Variants in ABCA4 observed in about 807,000 individuals in gnomAD.
ABCA4 encodes retinal-specific phospholipid-transporting ATPase ABCA4.
Under a neutral mutation model 263.7 loss-of-function variants are expected in ABCA4, and 196 were observed. That is an observed-to-expected ratio of 0.74 (90% CI 0.66 to 0.84). ABCA4 has a LOEUF of 0.84. ABCA4 is among the 40% of genes least tolerant of loss of function. The pLI, the probability that ABCA4 is intolerant of heterozygous loss-of-function variation, is 0.00. For missense variants in ABCA4, 2,792 were observed against 2,855.1 expected (o/e 0.98, Z 0.50); for synonymous variants, 1,133 against 1,094.2 (o/e 1.04, Z -0.70).
At chr1:94,032,901 T>C (rs759751999) in intron 26 of ABCA4, among the ~76,000 whole-genome samples, 4 of 152,220 alleles carry the variant, frequency 2.6e-5, no homozygotes, top group Admixed American at 6.5e-5. Flanking sequence ...GTGTATTATA[T>C]GAATTTTTAA....
chr1:94,097,663 T>C (rs1253463182), intron 6 of ABCA4, among the ~76,000 whole-genome samples: 2 of 152,338 alleles, frequency 1.3e-5, no homozygotes, highest in East Asian at 3.9e-4. Flanking sequence ...GGGCCTGGCC[T>C]GGTTCTTCTG....
At chr1:94,083,298 G>A (rs1661748281) in intron 7 of ABCA4, 54 bp downstream of exon 7, 1 of 1,367,316 alleles carries the variant, frequency 7.3e-7, no homozygotes, top group Non-Finnish European at 1.0e-6. Flanking sequence ...CATAAGTGGG[G>A]TAAATGGTGG....
In ABCA4 at chr1:94,063,231, G is replaced by A. The variant is rs1043103980; in HGVS notation, c.1641C>T (p.Phe547=). The A allele has an allele frequency of 1.1e-5, 18 of 1,614,056 alleles. No homozygotes were observed. The highest frequency in any genetic ancestry group is 1.5e-5 in the Non-Finnish European group (18 of 1,180,036). The change falls in exon 12 of 50, where the codon TTC becomes TTT. Residue 547 remains phenylalanine, a synonymous_variant. Transcript: ENST00000370225. ...TGTCAGGGAATACCACTCCGGCCCAGAACATGTTTTCCTCCAGTAGAGAGA... is the reference window on the plus strand; with the variant it reads ...TGTCAGGGAATACCACTCCGGCCCAAAACATGTTTTCCTCCAGTAGAGAGA... ...RALSLLEENM[F]WAGVVFPDMY...
rs1338623729 is a variant in ABCA4 at position 94,044,461 on chromosome 1, A to G, written c.3050+152T>C. 4 of 1,170,000 alleles carry G rather than the reference A, an allele frequency of 3.4e-6. No individual in the cohort carries two copies. The African/African-American group carries it at 6.1e-5, about 18-fold the overall frequency. 72.5% of individuals were successfully genotyped at this position (1,170,000 alleles called of 1,614,324 possible). On this transcript the variant is annotated intron_variant, in intron 20 of 49. Coordinates refer to ENST00000370225, the MANE Select transcript of ABCA4 (RefSeq NM_000350.3). ...AGGGACAATTCTCACTGCAAGTAGG[A>G]CAAAGGACTTTAAACATAGGGGAAA...
intron 11 of ABCA4, among the ~76,000 whole-genome samples, chr1:94,066,422 G>A (rs1203806305): frequency 6.6e-6 from 1 of 152,188 alleles, no homozygotes; most frequent in Non-Finnish European, 1.5e-5. Context: ...TTTAGTATTG[G>A]CAATTAGAGT....
chr1:94,054,795 ACAC>A (rs1660928661), intron 16 of ABCA4, among the ~76,000 whole-genome samples: 1 of 152,160 alleles, frequency 6.6e-6, no homozygotes, highest in South Asian at 2.1e-4. Context: ...GAGAGGGCTG[ACAC>A]CACATGACCT....
intron 17 of ABCA4, among the ~76,000 whole-genome samples, chr1:94,051,279 T>C (rs1660832747): frequency 6.6e-6 from 1 of 152,242 alleles, no homozygotes; most frequent in Admixed American, 6.5e-5. Context: ...ATGCAAAGGT[T>C]CCTTCATGAT....
intron 13 of ABCA4, among the ~76,000 whole-genome samples, chr1:94,062,224 T>C: frequency 6.6e-6 from 1 of 152,154 alleles, no homozygotes; most frequent in Non-Finnish European, 1.5e-5. Flanking sequence ...GATGTGGCAA[T>C]CATTGGGCAA....
At chr1:94,070,158 A>G (rs1570399830) in intron 11 of ABCA4, among the ~76,000 whole-genome samples, 1 of 152,226 alleles carries the variant, frequency 6.6e-6, no homozygotes, top group Non-Finnish European at 1.5e-5. Flanking sequence ...GCACTGACCA[A>G]TCAGACCACA....
Position 94,060,812 on chromosome 1 carries a change from G to T in ABCA4, c.1938-53C>A. 6 of 1,399,168 alleles carry T rather than the reference G, an allele frequency of 4.3e-6. No individual in the cohort carries two copies. In the South Asian group the frequency reaches 4.9e-5, roughly 11 times the overall value. The allele number at this position is 1,399,168 out of a possible 1,614,324, so 86.7% of individuals were successfully genotyped here. ...GTAGAGTGCTCTGTACCTGGTAGAG[G>T]CAGAATAAATGTTTGTTGAATGAAT... On this transcript the variant is annotated intron_variant, in intron 13 of 49. Coordinates refer to ENST00000370225, the MANE Select transcript of ABCA4 (RefSeq NM_000350.3).
chr1:94,081,292 C>T (rs1661695634), intron 7 of ABCA4, among the ~76,000 whole-genome samples: 1 of 152,122 alleles, frequency 6.6e-6, no homozygotes, highest in Admixed American at 6.5e-5. Flanking sequence ...AGCCTCTCTT[C>T]TTCTAGTCTC....
intron 11 of ABCA4, among the ~76,000 whole-genome samples, chr1:94,065,449 G>A (rs373927365): frequency 2.0e-5 from 3 of 152,162 alleles, no homozygotes; most frequent in African/African-American, 7.2e-5. Context: ...CACTGCACTG[G>A]GAAGAAGTAG....
chr1:93,999,759 A>G (rs1450101458), intron 47 of ABCA4, among the ~76,000 whole-genome samples: 2 of 152,144 alleles, frequency 1.3e-5, no homozygotes, highest in African/African-American at 4.8e-5. Flanking sequence ...CCATCCCTCC[A>G]CACAGGGAAC....
intron 39 of ABCA4, 108 bp from the exon 40 acceptor site, chr1:94,011,037 G>A: frequency 6.3e-7 from 1 of 1,595,686 alleles, no homozygotes; most frequent in Non-Finnish European, 8.6e-7. Context: ...AACTGAGCAA[G>A]AGCCAAACAC....
chr1:94,096,651 T>C (rs2101131527), intron 6 of ABCA4, among the ~76,000 whole-genome samples: 1 of 152,324 alleles, frequency 6.6e-6, no homozygotes, highest in East Asian at 1.9e-4. Flanking sequence ...AAAGAAACAT[T>C]TGGAAGCCAG....
chr1:94,023,362 A>C, intron 32 of ABCA4, 24 bp downstream of exon 32: 1 of 1,583,684 alleles, frequency 6.3e-7, no homozygotes, highest in Non-Finnish European at 8.7e-7. Flanking sequence ...TGAGATTTTA[A>C]TTCTGATAAA....
At chr1:94,068,807 G>C (rs1661338047) in intron 11 of ABCA4, among the ~76,000 whole-genome samples, 1 of 152,166 alleles carries the variant, frequency 6.6e-6, no homozygotes, top group African/African-American at 2.4e-5. Context: ...GGAGTCAAAG[G>C]GCATCTTTGC....
intron 43 of ABCA4, 124 bp downstream of exon 43, chr1:94,007,510 C>A: frequency 2.3e-6 from 2 of 879,650 alleles, no homozygotes; most frequent in South Asian, 2.7e-5. Flanking sequence ...GGGAGGCCTC[C>A]TTCTCTGTAC....
Position 94,037,580 on chromosome 1 carries a change from T to A in ABCA4, c.3608-230A>T, listed in dbSNP as rs543985469. Among the ~76,000 whole-genome samples the A allele has an allele frequency of 9.3e-5, 14 of 151,074 alleles. No homozygotes were observed. In the East Asian group the frequency reaches 2.6e-3, roughly 28 times the overall value. On this transcript the variant is annotated intron_variant, in intron 24 of 49. Transcript: ENST00000370225. ...GAAACGGAAGCAAAGTCCTCCCGAC[T>A]AGCTAGCTGTGCAACCTGGGGGCGG...
Sources: gnomAD v4.1 joint callset for allele counts (sites outside exome capture counted in the v4.1 genomes callset) on GRCh38, gnomAD v4.1.1 for gene constraint, MANE v1.5 for transcripts, NCBI Gene and HGNC (gene_info 2026-07-23, HGNC 2026-07-21) for gene names.